Variants in RPTOR observed in about 807,000 individuals in gnomAD.
The protein encoded by RPTOR is regulatory-associated protein of mTOR.
Under a neutral mutation model 169.9 loss-of-function variants are expected in RPTOR, and 21 were observed. The ratio of observed to expected loss-of-function variants is 0.12; its 90% CI spans 0.09 to 0.18. RPTOR has a LOEUF of 0.18. Among genes scored for constraint, RPTOR ranks in the 10% least tolerant of loss-of-function variants. RPTOR has a pLI of 1.00. For missense variants in RPTOR, 1,133 were observed against 1,855.9 expected, an observed-to-expected ratio of 0.61 and a Z score of 7.16; for synonymous variants, 732 against 753.2, an observed-to-expected ratio of 0.97 and a Z score of 0.46.
intron 1 of RPTOR, among the ~76,000 whole-genome samples, chr17:80,610,691 T>C (rs1457202002): frequency 3.9e-5 from 6 of 152,104 alleles, no homozygotes; most frequent in Admixed American, 3.9e-4. Flanking sequence ...TCCACGACAG[T>C]AGACCCTGAG....
At chr17:80,782,013 G>A (rs903546953) in intron 6 of RPTOR, among the ~76,000 whole-genome samples, 17 of 152,218 alleles carry the variant, frequency 1.1e-4, no homozygotes, top group African/African-American at 3.9e-4. Context: ...TCCCTGTCAC[G>A]GGGATTGACT....
chr17:80,930,478 TCCC>T (rs2068882358), intron 24 of RPTOR, among the ~76,000 whole-genome samples: 1 of 151,866 alleles, frequency 6.6e-6, no homozygotes, highest in Non-Finnish European at 1.5e-5. Context: ...CCCCAGCTCA[TCCC>T]CAGCTCATCC....
At chr17:80,948,574 G>A (rs1165000395) in intron 27 of RPTOR, 1 of 152,600 alleles carries the variant, frequency 6.6e-6, no homozygotes, top group Non-Finnish European at 1.5e-5. Flanking sequence ...TTGCAGAACG[G>A]GCTCCAGACA....
At chr17:80,618,430 G>T (rs1000546200) in intron 1 of RPTOR, among the ~76,000 whole-genome samples, 1 of 152,162 alleles carries the variant, frequency 6.6e-6, no homozygotes, top group Non-Finnish European at 1.5e-5. Flanking sequence ...ATTTCTCAAG[G>T]GTCTGTGATG....
At chr17:80,590,592 G>A (rs56260647) in intron 1 of RPTOR, among the ~76,000 whole-genome samples, 155 of 46,858 alleles carry the variant, frequency 3.3e-3, no homozygotes, top group Middle Eastern at 0.023. Flanking sequence ...TTAATGGTTG[G>A]GCCGTGTGTT....
At chr17:80,573,356 T>G (rs1464898132) in intron 1 of RPTOR, among the ~76,000 whole-genome samples, 1 of 152,194 alleles carries the variant, frequency 6.6e-6, no homozygotes, top group African/African-American at 2.4e-5. Flanking sequence ...TTGGACAGAT[T>G]TGATATCTTT....
intron 5 of RPTOR, among the ~76,000 whole-genome samples, 194 bp from the exon 6 acceptor site, chr17:80,753,816 G>A (rs1022690677): frequency 6.6e-6 from 1 of 151,916 alleles, no homozygotes; most frequent in Non-Finnish European, 1.5e-5. Context: ...GGAATGAGAC[G>A]GCCAGGTTTC....
chr17:80,906,703 A>G (rs1468318608), intron 20 of RPTOR, among the ~76,000 whole-genome samples: 2 of 152,102 alleles, frequency 1.3e-5, no homozygotes, highest in Non-Finnish European at 2.9e-5. Flanking sequence ...GCCTCTCATG[A>G]TTCACGCCAG....
intron 1 of RPTOR, among the ~76,000 whole-genome samples, chr17:80,558,783 G>A (rs1434521411): frequency 2.0e-5 from 3 of 152,142 alleles, no homozygotes; most frequent in South Asian, 2.1e-4. Context: ...AGAAGGTCAG[G>A]TGTTGCTGCC....
intron 8 of RPTOR, 79 bp from the exon 9 acceptor site, chr17:80,823,000 G>A (rs893642346): frequency 2.7e-6 from 4 of 1,497,420 alleles, no homozygotes; most frequent in African/African-American, 1.4e-5. Flanking sequence ...ATTTTTGATA[G>A]AAGTGAATTT....
rs1034942036 is a variant in RPTOR, at chr17:80,708,389, A to G, written c.507+390A>G. Reference sequence around the variant, plus strand: ...TTTCTTAGAAAATAAAGTGTTTTATATATTCTAAAGGGCTAATTCCAAGCT... The same window carrying G: ...TTTCTTAGAAAATAAAGTGTTTTATGTATTCTAAAGGGCTAATTCCAAGCT... On this transcript the variant is annotated intron_variant, in intron 4 of 33. Coordinates refer to ENST00000306801, the MANE Select transcript of RPTOR (RefSeq NM_020761.3). The surrounding 1 kb of genome is among the most constrained non-coding windows in gnomAD (Gnocchi z 4.2). Among the ~76,000 whole-genome samples, 11 of 152,358 alleles carry G rather than the reference A, an allele frequency of 7.2e-5. No individual in the cohort carries two copies. Among genetic ancestry groups the G allele is most frequent in the Admixed American group, 3.3e-4 (5 of 15,306 alleles).
chr17:80,839,165 G>C (rs1476084961), intron 10 of RPTOR, among the ~76,000 whole-genome samples: 2 of 152,242 alleles, frequency 1.3e-5, no homozygotes, highest in Non-Finnish European at 2.9e-5. Context: ...ACGCGTGAGT[G>C]GGTGTGCATG....
At chr17:80,948,120 G>C (rs1049569612) in intron 27 of RPTOR, among the ~76,000 whole-genome samples, 2 of 152,254 alleles carry the variant, frequency 1.3e-5, no homozygotes, top group African/African-American at 4.8e-5. Context: ...GGCAGGCGGG[G>C]GAGGCCAGCA....
chr17:80,653,430 A>G (rs559941986), intron 3 of RPTOR, among the ~76,000 whole-genome samples: 1 of 152,366 alleles, frequency 6.6e-6, no homozygotes, highest in South Asian at 2.1e-4. Context: ...GATCATATAT[A>G]TACTGTATAA....
chr17:80,964,584 C>G lies in RPTOR; in HGVS notation c.*254C>G, dbSNP rs573054141. On this transcript the variant is annotated 3_prime_UTR_variant, in exon 34 of 34. Coordinates refer to ENST00000306801, the MANE Select transcript of RPTOR (RefSeq NM_020761.3). Reference sequence around the variant, plus strand: ...GAGCACCAGCATCCAGGTGCACCCCCGCGGCCACGGCGCCTCTGTCCCTCT... The same window carrying G: ...GAGCACCAGCATCCAGGTGCACCCCGGCGGCCACGGCGCCTCTGTCCCTCT... 9 of 562,188 alleles carry G rather than the reference C, an allele frequency of 1.6e-5. No homozygotes were observed. The highest frequency in any genetic ancestry group is 4.7e-4 in the Middle Eastern group (1 of 2,118). 34.8% of individuals were successfully genotyped at this position (562,188 alleles called of 1,614,324 possible).
intron 28 of RPTOR, among the ~76,000 whole-genome samples, chr17:80,954,623 AT>A (rs1432224686): frequency 1.3e-5 from 2 of 152,166 alleles, no homozygotes; most frequent in Admixed American, 6.5e-5. Context: ...CAACTAGAAA[AT>A]GTAATTATAA....
chr17:80,855,771 GTT>G (rs2067845373), intron 12 of RPTOR, among the ~76,000 whole-genome samples: 1 of 152,152 alleles, frequency 6.6e-6, no homozygotes, highest in Non-Finnish European at 1.5e-5. Context: ...GGGGTCTGGG[GTT>G]GTCGCCCCTC....
rs868327734 is a variant in RPTOR at position 80,807,709 on chromosome 17, A to C, written c.891-14492A>C. 3.3e-5 allele frequency among the ~76,000 whole-genome samples: 5 copies of C among 150,972 alleles called. 1 individual carries two copies. Among genetic ancestry groups the C allele is most frequent in the Admixed American group, 3.3e-4 (5 of 15,120 alleles). ...TCCTCCCTTACCATCTTTTGAGTTG[A>C]TTTAGCAATTTTATTACACCTTTCT... On this transcript the variant is annotated intron_variant, in intron 7 of 33. Coordinates refer to ENST00000306801, the MANE Select transcript of RPTOR (RefSeq NM_020761.3).
intron 14 of RPTOR, among the ~76,000 whole-genome samples, chr17:80,883,136 G>C (rs1263886613): frequency 6.6e-6 from 1 of 152,204 alleles, no homozygotes; most frequent in Non-Finnish European, 1.5e-5. Context: ...CGGCTGGCCT[G>C]TGACAGAGGA....
Sources: gnomAD v4.1 joint callset for allele counts (sites outside exome capture counted in the v4.1 genomes callset) on GRCh38, gnomAD v4.1.1 for gene constraint, Gnocchi (gnomAD v3.1) non-coding constraint, MANE v1.5 for transcripts, NCBI Gene and HGNC (gene_info 2026-07-23, HGNC 2026-07-21) for gene names.